C13orf42: variants seen among roughly 807,000 people sequenced by gnomAD.
C13orf42 encodes the protein uncharacterized protein C13orf42.
At chr13:51,123,710 A>G (rs1953554497) in intron 1 of C13orf42, among the ~76,000 whole-genome samples, 1 of 152,186 alleles carries the variant, frequency 6.6e-6, no homozygotes, top group Non-Finnish European at 1.5e-5. Flanking sequence ...AGTACTTACT[A>G]TTTATTGAGC....
intron 1 of C13orf42, among the ~76,000 whole-genome samples, chr13:51,153,047 G>A (rs946553541): frequency 2.6e-5 from 4 of 152,190 alleles, no homozygotes; most frequent in Admixed American, 1.3e-4. Flanking sequence ...ACACACAGAA[G>A]GGATTGAGGT....
intron 1 of C13orf42, among the ~76,000 whole-genome samples, chr13:51,117,714 T>A (rs1407254400): frequency 6.6e-6 from 1 of 152,226 alleles, no homozygotes; most frequent in Admixed American, 6.5e-5. Flanking sequence ...TATTTTTTTC[T>A]TTTTTCTCTA....
At chr13:51,116,350 C>G (rs921410210) in intron 1 of C13orf42, among the ~76,000 whole-genome samples, 1 of 152,196 alleles carries the variant, frequency 6.6e-6, no homozygotes, top group Non-Finnish European at 1.5e-5. Context: ...AAGGTGGCAA[C>G]AGGCAGTTAA....
At chr13:51,153,629 T>TTTTTGTTTGTTTG (rs1953800841) in intron 1 of C13orf42, among the ~76,000 whole-genome samples, 7 of 138,140 alleles carry the variant, frequency 5.1e-5, no homozygotes, top group African/African-American at 2.0e-4. Flanking sequence ...CTGTTTTTTT[T>TTTTTGTTTGTTTG]CTTTTTTTTT....
At chr13:51,138,390 A>C (rs749174352) in intron 1 of C13orf42, among the ~76,000 whole-genome samples, 1 of 152,150 alleles carries the variant, frequency 6.6e-6, no homozygotes, top group African/African-American at 2.4e-5. Context: ...AAACCTAATA[A>C]CCTAATTTTA....
chr13:51,114,088 T>TG (rs1325313120), upstream of C13orf42, among the ~76,000 whole-genome samples: 4 of 152,226 alleles, frequency 2.6e-5, no homozygotes, highest in African/African-American at 9.6e-5. Flanking sequence ...CATGTAGCAG[T>TG]GCTGGGCTGG....
At chr13:51,120,643 T>C (rs1389375640) in intron 1 of C13orf42, among the ~76,000 whole-genome samples, 3 of 152,222 alleles carry the variant, frequency 2.0e-5, no homozygotes, top group Non-Finnish European at 4.4e-5. Context: ...GATGTGGAGT[T>C]AGAAGACCTG....
chr13:51,124,341 C>T (rs1953559640), intron 1 of C13orf42, among the ~76,000 whole-genome samples: 2 of 152,292 alleles, frequency 1.3e-5, no homozygotes, highest in South Asian at 4.1e-4. Flanking sequence ...ACAGCCAGCT[C>T]TGTGTGAATT....
chr13:51,154,090 T>C (rs962038563), intron 1 of C13orf42, among the ~76,000 whole-genome samples: 3 of 152,168 alleles, frequency 2.0e-5, no homozygotes, highest in Admixed American at 1.3e-4. Flanking sequence ...ATCATACAGC[T>C]TTTGTGTTTT....
chr13:51,167,773 G>A (rs866316277), intron 1 of C13orf42, among the ~76,000 whole-genome samples: 2 of 152,086 alleles, frequency 1.3e-5, no homozygotes, highest in Non-Finnish European at 2.9e-5. Flanking sequence ...ATTGGGCCTC[G>A]GCTAATCAAC....
At position 51,092,800 on chromosome 13, in the gene C13orf42, A is replaced by G. The variant is rs796810095; in HGVS notation, c.415-4725T>C. On this transcript the variant is annotated intron_variant, in intron 1 of 3. Transcript: ENST00000563710. ...ACATAGGCATATCCTAGTTTTAAAA[A>G]TGTTTTATTATAAAAAATTTTTCAA... Among the ~76,000 whole-genome samples the G allele has an allele frequency of 2.1e-4, 32 of 152,240 alleles. 1 individual carries two copies. Among genetic ancestry groups the G allele is most frequent in the African/African-American group, 7.7e-4 (32 of 41,568 alleles).
At chr13:51,126,186 A>C (rs749319866) in intron 1 of C13orf42, among the ~76,000 whole-genome samples, 1 of 152,244 alleles carries the variant, frequency 6.6e-6, no homozygotes, top group African/African-American at 2.4e-5. Flanking sequence ...ACCATATGCC[A>C]AAACTGGTGC....
At chr13:51,107,096 G>A (rs1184227546) in intron 1 of C13orf42, among the ~76,000 whole-genome samples, 2 of 152,212 alleles carry the variant, frequency 1.3e-5, no homozygotes, top group African/African-American at 4.8e-5. Context: ...CTTCTAGTGT[G>A]TCCTGACTTC....
In C13orf42 at chr13:51,153,503, T is replaced by TA. The variant is rs563095858; in HGVS notation, n.136+18749dup. On this transcript the variant is annotated intron_variant and non_coding_transcript_variant, in intron 1 of 4. Transcript: ENST00000433280. ...GAGAGAGAAAGCTTTTCTCCTACTT[T>TA]AAAAAAAATTGTAGTAAAAATTATG... 2.5e-3 allele frequency among the ~76,000 whole-genome samples: 383 copies of TA among 151,942 alleles called. 2 individuals are homozygous for TA. The highest frequency in any genetic ancestry group is 8.5e-3 in the African/African-American group (352 of 41,452).
chr13:51,118,188 G>A (rs1388252464), intron 1 of C13orf42, among the ~76,000 whole-genome samples: 1 of 152,204 alleles, frequency 6.6e-6, no homozygotes, highest in African/African-American at 2.4e-5. Context: ...AGTTTCATTT[G>A]TGGAGTTAGG....
intron 1 of C13orf42, among the ~76,000 whole-genome samples, chr13:51,107,171 C>G (rs11843388): frequency 0.13 from 20,175 of 152,162 alleles, 1,617 homozygotes; most frequent in South Asian, 0.28. Flanking sequence ...GCTGGGGTAA[C>G]AGACCATTTG....
At chr13:51,116,314 T>C (rs774947593) in intron 1 of C13orf42, among the ~76,000 whole-genome samples, 4 of 152,008 alleles carry the variant, frequency 2.6e-5, no homozygotes, top group Non-Finnish European at 5.9e-5. Context: ...AGAGGCTGGG[T>C]TGGAGAAAGT....
chr13:51,150,651 G>A (rs4941691), intron 1 of C13orf42, among the ~76,000 whole-genome samples: 44,429 of 152,042 alleles, frequency 0.29, 6,869 homozygotes, highest in Admixed American at 0.35. Flanking sequence ...CCTAAAAAAT[G>A]CAGTGGACTA....
intron 1 of C13orf42, among the ~76,000 whole-genome samples, chr13:51,122,789 T>C (rs944421590): frequency 2.6e-5 from 4 of 152,192 alleles, no homozygotes; most frequent in African/African-American, 9.6e-5. Context: ...TGGATCTCTA[T>C]TCTGATTATT....
Sources: allele counts gnomAD v4.1 joint callset (sites outside exome capture counted in the v4.1 genomes callset), GRCh38; gene constraint gnomAD v4.1.1; transcripts MANE v1.5; gene names NCBI Gene and HGNC (gene_info 2026-07-23, HGNC 2026-07-21).